Variants in RBFOX2 observed in about 807,000 individuals in gnomAD.
The protein encoded by RBFOX2 is RNA binding fox-1 homolog 2.
RBFOX2 carries 10 observed loss-of-function variants against 49.1 expected under a neutral mutation model. The observed-to-expected ratio is 0.20, with a 90% CI of 0.13 to 0.35. The LOEUF (loss-of-function observed/expected upper bound fraction) is 0.35, where lower values mean the gene tolerates loss of function less well. Ranked by LOEUF, RBFOX2 falls within the 10% of genes least tolerant of loss-of-function variation. RBFOX2 has a pLI of 1.00. For synonymous variants in RBFOX2, 183 were observed against 187.4 expected (o/e 0.98, Z 0.19); for missense variants, 323 against 486.9 (o/e 0.66, Z 3.17).
At chr22:35,756,552 G>A (rs1335382227) in intron 9 of RBFOX2, among the ~76,000 whole-genome samples, 1 of 152,108 alleles carries the variant, frequency 6.6e-6, no homozygotes, top group South Asian at 2.1e-4. Flanking sequence ...TACAAAGTAG[G>A]GTAGGGGTGA....
At chr22:35,864,132 A>G (rs1445229788) in intron 1 of RBFOX2, among the ~76,000 whole-genome samples, 1 of 152,222 alleles carries the variant, frequency 6.6e-6, no homozygotes, top group Non-Finnish European at 1.5e-5. Flanking sequence ...TATATGCATA[A>G]AAGACCTTTT....
At chr22:35,849,156 C>G (rs1251052277) in intron 1 of RBFOX2, among the ~76,000 whole-genome samples, 3 of 152,008 alleles carry the variant, frequency 2.0e-5, no homozygotes. Context: ...CTGGAAAATA[C>G]AACATTTGGA....
chr22:35,843,360 G>C (rs773143459), upstream of RBFOX2, among the ~76,000 whole-genome samples: 5 of 152,176 alleles, frequency 3.3e-5, no homozygotes. Flanking sequence ...TCAGGACAGT[G>C]TCTGGGACGT....
intron 1 of RBFOX2, among the ~76,000 whole-genome samples, chr22:35,865,436 C>T (rs2043561675): frequency 6.6e-6 from 1 of 152,158 alleles, no homozygotes; most frequent in African/African-American, 2.4e-5. Flanking sequence ...GGCTTTTCCT[C>T]TGACTAGGCT....
At chr22:35,902,714 G>A (rs1047464648) in intron 1 of RBFOX2, among the ~76,000 whole-genome samples, 1 of 151,650 alleles carries the variant, frequency 6.6e-6, no homozygotes, top group African/African-American at 2.4e-5. Context: ...GTGCGATCAT[G>A]GCTCACTGCA....
intron 1 of RBFOX2, among the ~76,000 whole-genome samples, chr22:35,937,878 C>T (rs150466222): frequency 2.0e-5 from 3 of 152,132 alleles, no homozygotes; most frequent in Non-Finnish European, 4.4e-5. Context: ...CATGAGCCAC[C>T]GCACCCAGCC....
At chr22:35,969,366 A>T (rs1192259366) in intron 1 of RBFOX2, among the ~76,000 whole-genome samples, 1 of 152,160 alleles carries the variant, frequency 6.6e-6, no homozygotes, top group Non-Finnish European at 1.5e-5. Context: ...TGAGGTCAGG[A>T]GTTTGAGACC....
upstream of RBFOX2, among the ~76,000 whole-genome samples, chr22:35,943,099 C>T (rs1415786093): frequency 6.6e-6 from 1 of 152,194 alleles, no homozygotes; most frequent in African/African-American, 2.4e-5. Flanking sequence ...TGATTCTATA[C>T]CCAATACTTC....
chr22:35,970,112 T>C (rs373412170), intron 1 of RBFOX2, among the ~76,000 whole-genome samples: 23 of 152,294 alleles, frequency 1.5e-4, no homozygotes, highest in East Asian at 5.8e-4. Flanking sequence ...TACTGGTGAA[T>C]TGAGAACATA....
chr22:35,846,113 T>A (rs970179839), intron 1 of RBFOX2, among the ~76,000 whole-genome samples: 4 of 150,430 alleles, frequency 2.7e-5, no homozygotes, highest in Non-Finnish European at 5.9e-5. Flanking sequence ...TATAATTACA[T>A]AAACTATATA....
rs1309643192 is a variant in RBFOX2 at position 35,792,637 on chromosome 22, T to TGGAAGGA, written c.253-10892_253-10891insTCCTTCC. 5.9e-5 allele frequency among the ~76,000 whole-genome samples: 9 copies of TGGAAGGA among 152,332 alleles called. 1 individual carries two copies. The highest frequency in any genetic ancestry group is 2.2e-4 in the African/African-American group (9 of 41,574). On this transcript the variant is annotated intron_variant, in intron 2 of 11. Coordinates refer to ENST00000405409, the Ensembl canonical transcript of RBFOX2. ...CGGAAGGAACTATTATCATCATTTT[T>TGGAAGGA]ACAGATAAGGAAAATGAGCATTGGA...
At chr22:35,758,001 A>G (rs1228527589) in intron 9 of RBFOX2, among the ~76,000 whole-genome samples, 3 of 152,172 alleles carry the variant, frequency 2.0e-5, no homozygotes, top group Admixed American at 6.5e-5. Context: ...ATATTCATCT[A>G]CGTTCTAGAA....
At chr22:35,767,045 T>G (rs1015254852) in intron 5 of RBFOX2, among the ~76,000 whole-genome samples, 1 of 152,008 alleles carries the variant, frequency 6.6e-6, no homozygotes, top group African/African-American at 2.4e-5. Context: ...GGGAAGGATG[T>G]AGGGGCAGGA....
At chr22:36,013,400 C>T (rs1394792886) in intron 1 of RBFOX2, among the ~76,000 whole-genome samples, 1 of 152,060 alleles carries the variant, frequency 6.6e-6, no homozygotes, top group South Asian at 2.1e-4. Flanking sequence ...ACGTGTCAGG[C>T]CCTGAACTAA....
At chr22:35,961,711 G>A, upstream of RBFOX2, 1 of 1,292,014 alleles carries the variant, frequency 7.7e-7, no homozygotes, top group Non-Finnish European at 1.0e-6. Flanking sequence ...TTGGCTTCAT[G>A]GAGCAGGATA....
chr22:35,999,713 T>C (rs1441775527), intron 1 of RBFOX2: 1 of 151,990 alleles, frequency 6.6e-6, no homozygotes, highest in African/African-American at 2.4e-5. Flanking sequence ...AGATAGCCCA[T>C]GTTCATGGGG....
chr22:35,833,691 C>G (rs1957176836), intron 1 of RBFOX2, among the ~76,000 whole-genome samples: 1 of 152,058 alleles, frequency 6.6e-6, no homozygotes, highest in Non-Finnish European at 1.5e-5. Context: ...AAAACAAAAA[C>G]ATTTTTATAA....
upstream of RBFOX2, chr22:35,961,746 C>T: frequency 8.2e-7 from 1 of 1,226,096 alleles, no homozygotes; most frequent in South Asian, 1.5e-5. Flanking sequence ...CCGTTCTCCC[C>T]ACACCACCCG....
At chr22:35,887,900 T>C (rs1177525483) in intron 1 of RBFOX2, among the ~76,000 whole-genome samples, 1 of 152,178 alleles carries the variant, frequency 6.6e-6, no homozygotes, top group Non-Finnish European at 1.5e-5. Flanking sequence ...TTGCTTACAA[T>C]AGTAGTTTGA....
Sources: allele counts gnomAD v4.1 joint callset (sites outside exome capture counted in the v4.1 genomes callset), GRCh38; gene constraint gnomAD v4.1.1; transcripts MANE v1.5; gene names NCBI Gene and HGNC (gene_info 2026-07-23, HGNC 2026-07-21).